Variants in FNBP1L observed in about 807,000 individuals in gnomAD.
FNBP1L encodes the protein formin-binding protein 1-like.
Under a neutral mutation model 91.2 loss-of-function variants are expected in FNBP1L, and 36 were observed. The ratio of observed to expected loss-of-function variants is 0.39; its 90% CI spans 0.30 to 0.52. The LOEUF (loss-of-function observed/expected upper bound fraction) is 0.52. Among genes scored for constraint, FNBP1L ranks in the 20% least tolerant of loss-of-function variants. The probability of loss-of-function intolerance (pLI) is 0.66; values close to 1 mark genes in which losing one functional copy is unlikely to be tolerated. For synonymous variants in FNBP1L, 242 were observed against 237.0 expected (o/e 1.02, Z -0.19); for missense variants, 571 against 732.1 (o/e 0.78, Z 2.54).
intron 1 of FNBP1L, among the ~76,000 whole-genome samples, chr1:93,479,079 G>T (rs1419069457): frequency 6.6e-6 from 1 of 152,174 alleles, no homozygotes; most frequent in Non-Finnish European, 1.5e-5. Context: ...TATTTTCCCT[G>T]TCGGCCGGTC....
chr1:93,533,984 G>T (rs1435292370), intron 8 of FNBP1L, among the ~76,000 whole-genome samples: 1 of 152,124 alleles, frequency 6.6e-6, no homozygotes. Context: ...GTTGTTAGGG[G>T]TGGGGAGGAA....
chr1:93,479,173 C>G (rs1023780885), intron 1 of FNBP1L, among the ~76,000 whole-genome samples: 1 of 152,114 alleles, frequency 6.6e-6, no homozygotes, highest in African/African-American at 2.4e-5. Context: ...TCCATGATGC[C>G]TACCTGATCC....
chr1:93,523,583 AC>A, intron 4 of FNBP1L, 92 bp downstream of exon 4: 2 of 1,215,330 alleles, frequency 1.6e-6, no homozygotes. Context: ...TTCAGCATAA[AC>A]TGGTTTTTCT....
intron 8 of FNBP1L, among the ~76,000 whole-genome samples, chr1:93,533,793 A>T (rs1481119062): frequency 6.6e-6 from 1 of 152,166 alleles, no homozygotes; most frequent in East Asian, 1.9e-4. Flanking sequence ...TTTGGCTTTC[A>T]GCATGGCTGG....
chr1:93,478,154 C>G (rs1669560340), intron 1 of FNBP1L, among the ~76,000 whole-genome samples: 1 of 152,122 alleles, frequency 6.6e-6, no homozygotes, highest in African/African-American at 2.4e-5. Flanking sequence ...AGGAACTTTC[C>G]CTTCTCTCTT....
At chr1:93,508,539 C>T (rs1198981513) in intron 2 of FNBP1L, among the ~76,000 whole-genome samples, 1 of 151,940 alleles carries the variant, frequency 6.6e-6, no homozygotes, top group East Asian at 1.9e-4. Flanking sequence ...GATGAGTCAC[C>T]TATAGATGTG....
chr1:93,524,636 G>GATA (rs1671440486), intron 5 of FNBP1L, among the ~76,000 whole-genome samples: 1 of 147,200 alleles, frequency 6.8e-6, no homozygotes, highest in Non-Finnish European at 1.5e-5. Flanking sequence ...ATTAATAGAG[G>GATA]ATAGAAGTAA....
chr1:93,452,416 TA>T (rs989054758), intron 1 of FNBP1L, among the ~76,000 whole-genome samples: 2 of 152,202 alleles, frequency 1.3e-5, no homozygotes, highest in Non-Finnish European at 2.9e-5. Flanking sequence ...TTTTGTCAAG[TA>T]AAATGGTAAA....
rs553799979 is a variant in FNBP1L at position 93,524,424 on chromosome 1, T to C, written c.405+101T>C. On this transcript the variant is annotated intron_variant, in intron 5 of 16. Coordinates refer to ENST00000271234, the MANE Select transcript of FNBP1L (RefSeq NM_001164473.3). Reference sequence around the variant, plus strand: ...TCTATTTGAGTTTAATGTTTCTCAGTGTATTATTAATAATTTGACATTGGT... The same window carrying C: ...TCTATTTGAGTTTAATGTTTCTCAGCGTATTATTAATAATTTGACATTGGT... 2.5e-3 allele frequency: 1,994 copies of C among 784,794 alleles called. 7 individuals carry two copies. Among genetic ancestry groups the C allele is most frequent in the Non-Finnish European group, 3.0e-3 (1,608 of 540,824 alleles). The allele number at this position is 784,794 out of a possible 1,614,324, so 48.6% of individuals were successfully genotyped here.
At position 93,552,494 on chromosome 1, in the gene FNBP1L, T is replaced by C; in HGVS notation, c.*78T>C. 6.4e-7 allele frequency: 1 copy of C among 1,551,596 alleles called. No homozygotes were observed. The highest frequency in any genetic ancestry group is 8.8e-7 in the Non-Finnish European group (1 of 1,137,282). On this transcript the variant is annotated 3_prime_UTR_variant, in exon 17 of 17. Transcript: ENST00000271234. ...CTTTTGGGGGAGGGTATTAGAGTTG[T>C]CAGGCTCAAAGAGAGTGAGAGAAGC...
At chr1:93,544,342 A>G in intron 12 of FNBP1L, 126 bp downstream of exon 12, 2 of 527,480 alleles carry the variant, frequency 3.8e-6, no homozygotes, top group African/African-American at 2.0e-5. Flanking sequence ...TTGAGAGAGA[A>G]TTATACTCCT....
At chr1:93,535,481 T>G (rs1671816683) in intron 9 of FNBP1L, among the ~76,000 whole-genome samples, 1 of 152,064 alleles carries the variant, frequency 6.6e-6, no homozygotes, top group South Asian at 2.1e-4. Flanking sequence ...TGTGAGCAAA[T>G]GAAATAGATG....
At chr1:93,529,784 T>C in intron 6 of FNBP1L, 28 bp downstream of exon 6, 2 of 1,272,928 alleles carry the variant, frequency 1.6e-6, no homozygotes, top group Non-Finnish European at 2.2e-6. Context: ...CCAACTTTAA[T>C]GTCAAAATAT....
chr1:93,492,855 G>A (rs1264514947), intron 1 of FNBP1L, among the ~76,000 whole-genome samples: 1 of 152,050 alleles, frequency 6.6e-6, no homozygotes, highest in East Asian at 1.9e-4. Context: ...GTGAATATAG[G>A]CAAACGATAA....
chr1:93,483,281 A>G (rs1307436848), intron 1 of FNBP1L, among the ~76,000 whole-genome samples: 2 of 152,068 alleles, frequency 1.3e-5, no homozygotes, highest in South Asian at 2.1e-4. Flanking sequence ...AAAGAATTAT[A>G]TAGAGTCAAT....
At chr1:93,469,675 T>C (rs538523199) in intron 1 of FNBP1L, among the ~76,000 whole-genome samples, 1 of 152,228 alleles carries the variant, frequency 6.6e-6, no homozygotes, top group African/African-American at 2.4e-5. Context: ...TAAAAACTAA[T>C]ATTGATGGCA....
intron 1 of FNBP1L, among the ~76,000 whole-genome samples, chr1:93,481,027 A>T (rs181225956): frequency 6.6e-6 from 1 of 152,258 alleles, no homozygotes; most frequent in Non-Finnish European, 1.5e-5. Context: ...GCTTCCTCCA[A>T]TGTATGATGT....
intron 1 of FNBP1L, among the ~76,000 whole-genome samples, chr1:93,457,779 T>TTTA (rs536907562): frequency 0.079 from 11,850 of 150,188 alleles, 1,582 homozygotes; most frequent in African/African-American, 0.27. Flanking sequence ...TTTTATTTCA[T>TTTA]TTATTATTAT....
chr1:93,507,175 A>AC (rs1185999153), intron 2 of FNBP1L, among the ~76,000 whole-genome samples: 6 of 9,802 alleles, frequency 6.1e-4, no homozygotes, highest in African/African-American at 1.2e-3. Flanking sequence ...TCCCTCCCCC[A>AC]CCCCCCCAAA....
Sources: gnomAD v4.1 joint callset for allele counts (sites outside exome capture counted in the v4.1 genomes callset) on GRCh38, gnomAD v4.1.1 for gene constraint, MANE v1.5 for transcripts, NCBI Gene and HGNC (gene_info 2026-07-23, HGNC 2026-07-21) for gene names.